B3GAT2: variants seen among roughly 807,000 people sequenced by gnomAD.
B3GAT2 encodes the protein beta-1,3-glucuronyltransferase 2.
In B3GAT2, 26 loss-of-function variants were observed where a neutral mutation model predicts 27.8. That is an observed-to-expected ratio of 0.93 (90% CI 0.68 to 1.30). The LOEUF (loss-of-function observed/expected upper bound fraction) is 1.30. Among genes scored for constraint, B3GAT2 ranks in the 50% most tolerant of loss-of-function variants. The pLI is 0.00. For synonymous variants in B3GAT2, 218 were observed against 195.1 expected, an observed-to-expected ratio of 1.12 and a Z score of -0.98; for missense variants, 458 against 459.0, an observed-to-expected ratio of 1.00 and a Z score of 0.02.
intron 2 of B3GAT2, among the ~76,000 whole-genome samples, chr6:70,875,978 G>A (rs78284891): frequency 1.3e-5 from 2 of 152,248 alleles, no homozygotes; most frequent in African/African-American, 4.8e-5. Flanking sequence ...TAATATAAAG[G>A]GGTTTAATTA....
intron 1 of B3GAT2, among the ~76,000 whole-genome samples, chr6:70,935,607 T>C (rs982434217): frequency 1.3e-5 from 2 of 152,194 alleles, no homozygotes; most frequent in African/African-American, 4.8e-5. Context: ...TCAACATTTA[T>C]AATGCACTGG....
At chr6:70,924,658 C>T (rs2150043186) in intron 1 of B3GAT2, among the ~76,000 whole-genome samples, 1 of 152,310 alleles carries the variant, frequency 6.6e-6, no homozygotes, top group African/African-American at 2.4e-5. Context: ...TGAAGGAGAT[C>T]TGATCCAACC....
At chr6:70,943,236 G>C (rs1478746460) in intron 1 of B3GAT2, among the ~76,000 whole-genome samples, 1 of 152,124 alleles carries the variant, frequency 6.6e-6, no homozygotes, top group Admixed American at 6.5e-5. Context: ...CCTAATCTCA[G>C]AAGAAATCGG....
At chr6:70,939,835 G>A (rs974702137) in intron 1 of B3GAT2, among the ~76,000 whole-genome samples, 11 of 151,778 alleles carry the variant, frequency 7.2e-5, no homozygotes, top group Non-Finnish European at 1.6e-4. Flanking sequence ...CATGGCACAT[G>A]TATACATATG....
intron 1 of B3GAT2, among the ~76,000 whole-genome samples, chr6:70,932,180 C>A (rs1265651964): frequency 1.3e-5 from 2 of 152,038 alleles, no homozygotes; most frequent in Non-Finnish European, 2.9e-5. Context: ...GAAATTGTTA[C>A]CCTCGTGGTC....
At chr6:70,910,748 C>T (rs552958878) in intron 1 of B3GAT2, among the ~76,000 whole-genome samples, 331 of 152,272 alleles carry the variant, frequency 2.2e-3, no homozygotes, top group Non-Finnish European at 4.0e-3. Context: ...GAGAAATTGC[C>T]ACCCTGTTTT....
At chr6:70,896,088 A>T (rs1772379841) in intron 1 of B3GAT2, among the ~76,000 whole-genome samples, 1 of 152,164 alleles carries the variant, frequency 6.6e-6, no homozygotes, top group Non-Finnish European at 1.5e-5. Context: ...CAAGCCCTGA[A>T]CAAAAACCCT....
chr6:70,889,801 T>G (rs1185832831), intron 2 of B3GAT2, among the ~76,000 whole-genome samples: 1 of 151,680 alleles, frequency 6.6e-6, no homozygotes, highest in East Asian at 1.9e-4. Flanking sequence ...TTTTTTTTTT[T>G]TGAAACAGTC....
intron 1 of B3GAT2, among the ~76,000 whole-genome samples, chr6:70,937,704 G>C (rs1201514142): frequency 7.6e-4 from 115 of 151,284 alleles, no homozygotes; most frequent in African/African-American, 2.0e-3. Flanking sequence ...ATTCAACAAC[G>C]CTTCATGCTA....
At chr6:70,922,752 A>T (rs1439286699) in intron 1 of B3GAT2, among the ~76,000 whole-genome samples, 1 of 152,158 alleles carries the variant, frequency 6.6e-6, no homozygotes, top group Admixed American at 6.5e-5. Context: ...CTAAGTTTTC[A>T]TCTCAAGAAA....
At chr6:70,909,367 T>C (rs1386251891) in intron 1 of B3GAT2, among the ~76,000 whole-genome samples, 2 of 152,176 alleles carry the variant, frequency 1.3e-5, no homozygotes, top group African/African-American at 4.8e-5. Flanking sequence ...AAATCATATG[T>C]AAACAAGAAG....
At chr6:70,940,256 A>C (rs1366942665) in intron 1 of B3GAT2, among the ~76,000 whole-genome samples, 1 of 152,138 alleles carries the variant, frequency 6.6e-6, no homozygotes, top group Non-Finnish European at 1.5e-5. Context: ...ATGAAAACTT[A>C]AGCAATGTTT....
At chr6:70,896,144 C>G (rs775690903) in intron 1 of B3GAT2, among the ~76,000 whole-genome samples, 1 of 152,100 alleles carries the variant, frequency 6.6e-6, no homozygotes, top group Non-Finnish European at 1.5e-5. Context: ...AATCATTGTA[C>G]GCCTGTGACT....
chr6:70,871,228 T>G (rs896256554), intron 2 of B3GAT2, among the ~76,000 whole-genome samples: 22 of 149,838 alleles, frequency 1.5e-4, no homozygotes, highest in East Asian at 3.9e-4. Flanking sequence ...TTTTGTTTTT[T>G]TTTTTTCTTC....
intron 1 of B3GAT2, among the ~76,000 whole-genome samples, chr6:70,897,122 G>T (rs1483253092): frequency 6.6e-6 from 1 of 151,878 alleles, no homozygotes; most frequent in Non-Finnish European, 1.5e-5. Flanking sequence ...TACTAATAGT[G>T]GTATCCCATT....
intron 2 of B3GAT2, 105 bp from the exon 3 acceptor site, chr6:70,862,083 T>A: frequency 9.6e-7 from 1 of 1,042,458 alleles, no homozygotes; most frequent in Non-Finnish European, 1.4e-6. Flanking sequence ...AAATACCTAC[T>A]GTGTGTCAGG....
intron 1 of B3GAT2, among the ~76,000 whole-genome samples, chr6:70,914,879 T>A (rs1772743431): frequency 6.6e-6 from 1 of 152,230 alleles, no homozygotes; most frequent in South Asian, 2.1e-4. Context: ...TGTGCATGTG[T>A]CCTTATAGTA....
intron 1 of B3GAT2, among the ~76,000 whole-genome samples, chr6:70,941,256 C>T (rs1433710730): frequency 6.6e-6 from 1 of 152,142 alleles, no homozygotes; most frequent in Non-Finnish European, 1.5e-5. Flanking sequence ...CAAATCAAGA[C>T]AGTGCAATTA....
intron 1 of B3GAT2, among the ~76,000 whole-genome samples, chr6:70,949,481 A>T (rs1765544689): frequency 6.6e-6 from 1 of 150,384 alleles, no homozygotes; most frequent in Non-Finnish European, 1.5e-5. Flanking sequence ...CATCAGAGAA[A>T]TGCAAATCAA....
Sources: gnomAD v4.1 joint callset for allele counts (sites outside exome capture counted in the v4.1 genomes callset) on GRCh38, gnomAD v4.1.1 for gene constraint, MANE v1.5 for transcripts, NCBI Gene and HGNC (gene_info 2026-07-23, HGNC 2026-07-21) for gene names.